The following C5orf22 variants were observed in gnomAD, a reference collection of about 807,000 sequenced individuals.
The protein encoded by C5orf22 is chromosome 5 open reading frame 22.
Under a neutral mutation model 48.7 loss-of-function variants are expected in C5orf22, and 36 were observed. The ratio of observed to expected loss-of-function variants is 0.74; its 90% CI spans 0.57 to 0.98. C5orf22 has a LOEUF of 0.98. C5orf22 is among the 50% of genes least tolerant of loss of function. C5orf22 has a pLI of 0.00. For missense variants in C5orf22, 486 were observed against 521.9 expected (o/e 0.93, Z 0.67); for synonymous variants, 141 against 180.8 (o/e 0.78, Z 1.76).
At chr5:31,545,220 G>A (rs1742783863) in intron 6 of C5orf22, among the ~76,000 whole-genome samples, 1 of 151,886 alleles carries the variant, frequency 6.6e-6, no homozygotes, top group Admixed American at 6.6e-5. Flanking sequence ...CACCACACCT[G>A]GCTAATTTTG....
intron 6 of C5orf22, among the ~76,000 whole-genome samples, chr5:31,541,951 A>G (rs1742495576): frequency 6.6e-6 from 1 of 152,124 alleles, no homozygotes; most frequent in Non-Finnish European, 1.5e-5. Flanking sequence ...GAGGAAACCA[A>G]GGTTAAGTAA....
At chr5:31,549,119 T>TGAGGC (rs1743083498) in intron 7 of C5orf22, among the ~76,000 whole-genome samples, 1 of 152,118 alleles carries the variant, frequency 6.6e-6, no homozygotes, top group Non-Finnish European at 1.5e-5. Flanking sequence ...CTCGGGAGGC[T>TGAGGC]GAGGCAAGAG....
intron 7 of C5orf22, chr5:31,548,627 T>A (rs1249253846): frequency 2.3e-6 from 1 of 442,848 alleles, no homozygotes; most frequent in African/African-American, 2.0e-5. Flanking sequence ...CCCTGCCTTC[T>A]TCTGAGCCCT....
chr5:31,539,856 A>C (rs892997621), intron 4 of C5orf22, among the ~76,000 whole-genome samples: 1 of 152,132 alleles, frequency 6.6e-6, no homozygotes, highest in Non-Finnish European at 1.5e-5. Flanking sequence ...CAGCGTAGGC[A>C]ACGTAGCAAG....
rs1230190233 is a variant in C5orf22 at position 31,534,418 on chromosome 5, G to GTA, written c.227+2_227+3dup. 6.2e-7 allele frequency: 1 copy of GTA among 1,600,526 alleles called. No individual in the cohort carries two copies. The highest frequency in any genetic ancestry group is 8.5e-7 in the Non-Finnish European group (1 of 1,176,128). On this transcript the variant is annotated splice_donor_variant, in intron 2 of 8. Coordinates refer to ENST00000325366, the MANE Select transcript of C5orf22 (RefSeq NM_018356.3). LOFTEE classifies it high-confidence loss of function. ...TGTTTGATAAGGAAACACTCTTTGG[G>GTA]TAATATGTGATTTTATTTATGGTCT...
At chr5:31,534,040 G>C (rs190174350) in intron 1 of C5orf22, among the ~76,000 whole-genome samples, 236 of 152,298 alleles carry the variant, frequency 1.5e-3, no homozygotes, top group African/African-American at 5.1e-3. Flanking sequence ...TGAGTTCAAG[G>C]GGGCAGCAGG....
chr5:31,536,343 A>ACACC (rs1206172315), intron 3 of C5orf22, among the ~76,000 whole-genome samples: 1 of 152,180 alleles, frequency 6.6e-6, no homozygotes, highest in African/African-American at 2.4e-5. Context: ...ACATGGTGAA[A>ACACC]CACCGTCTCT....
In C5orf22 at chr5:31,545,693, AAGT is replaced by A; in HGVS notation, c.1042_1044del (p.Val348del). The A allele has an allele frequency of 6.2e-7, 1 of 1,608,030 alleles. No homozygotes were observed. The highest frequency in any genetic ancestry group is 1.3e-5 in the African/African-American group (1 of 74,880). Reference sequence around the variant, plus strand: ...GTACAGAGTTTGAAAAAACGGATGGAAGTACCAGACTATGAAATGGTAAATATT... The same window carrying A: ...GTACAGAGTTTGAAAAAACGGATGGAACCAGACTATGAAATGGTAAATATT... On this transcript the variant is annotated inframe_deletion, in exon 7 of 9. Coordinates refer to ENST00000325366, the MANE Select transcript of C5orf22 (RefSeq NM_018356.3).
chr5:31,549,299 C>T (rs1743100696), intron 7 of C5orf22, among the ~76,000 whole-genome samples: 1 of 152,124 alleles, frequency 6.6e-6, no homozygotes. Flanking sequence ...AAGACCCACC[C>T]CCACAGTCAC....
chr5:31,541,709 G>T (rs1261476119), intron 6 of C5orf22, among the ~76,000 whole-genome samples: 1 of 152,142 alleles, frequency 6.6e-6, no homozygotes, highest in African/African-American at 2.4e-5. Flanking sequence ...GGAGTTTGAG[G>T]CTGTAGTGGG....
intron 6 of C5orf22, among the ~76,000 whole-genome samples, chr5:31,542,613 C>T (rs1023404178): frequency 1.3e-5 from 2 of 152,144 alleles, no homozygotes; most frequent in Non-Finnish European, 2.9e-5. Context: ...TTCATATCAC[C>T]TTGAAAGAAT....
chr5:31,536,164 A>G (rs1269930497), intron 3 of C5orf22, among the ~76,000 whole-genome samples: 1 of 152,224 alleles, frequency 6.6e-6, no homozygotes, highest in Non-Finnish European at 1.5e-5. Context: ...TCCTTAAGCC[A>G]TTGAAGTATC....
Position 31,535,775 on chromosome 5 carries a change from G to T in C5orf22, c.259G>T (p.Ala87Ser), listed in dbSNP as rs1003179077. The T allele has an allele frequency of 2.5e-6, 4 of 1,610,472 alleles. No homozygotes were observed. The highest frequency in any genetic ancestry group is 1.7e-5 in the Admixed American group (1 of 59,200). Reference sequence around the variant, plus strand: ...AAGTATTGAAAATTGGATTATGCCTGCAGTTTATGCTGGCCATTTTTCACA... The same window carrying T: ...AAGTATTGAAAATTGGATTATGCCTTCAGTTTATGCTGGCCATTTTTCACA... The part of the protein sequence containing the change: ...ELSIENWIMP[A>S]VYAGHFSHVI... Residue 87 changes from alanine to serine, a missense_variant, in exon 3 of 9, where the codon GCA becomes TCA. Around this residue, in one of 3 missense-constraint regions of C5orf22, gnomAD observed 408 missense variants for 444.0 expected, o/e 0.92. Coordinates refer to ENST00000325366, the MANE Select transcript of C5orf22 (RefSeq NM_018356.3).
At chr5:31,532,676 C>T (rs530845881) in intron 1 of C5orf22, among the ~76,000 whole-genome samples, 32 of 152,178 alleles carry the variant, frequency 2.1e-4, no homozygotes, top group Non-Finnish European at 3.7e-4. Context: ...TCCTACGAGT[C>T]GGGGCAACTT....
intron 5 of C5orf22, 94 bp downstream of exon 5, chr5:31,541,105 AGTGTGTGTGTGTGTGTGTGTGTGTGTGT>A (rs35650579): frequency 4.4e-6 from 3 of 677,106 alleles, no homozygotes; most frequent in Non-Finnish European, 7.4e-6. Context: ...GACTGCTCAA[AGTGTGTGTGTGTGTGTGTGTGTGTGTGT>A]GTGTGTGTGT....
At chr5:31,548,061 GGAGGCCAAGGCTGGCGGATCATTT>G (rs1011818227) in intron 7 of C5orf22, among the ~76,000 whole-genome samples, 2 of 152,120 alleles carry the variant, frequency 1.3e-5, no homozygotes. Flanking sequence ...CAGCACTTTG[GGAGGCCAAGGCTGGCGGATCATTT>G]GAGGCCAGGA....
chr5:31,534,374 A>C lies in C5orf22; in HGVS notation c.184A>C (p.Asn62His). The C allele has an allele frequency of 6.2e-7, 1 of 1,613,766 alleles. No homozygotes were observed. Among genetic ancestry groups the C allele is most frequent in the Non-Finnish European group, 8.5e-7 (1 of 1,179,860 alleles). The change falls in exon 2 of 9, where the codon AAT becomes CAT. Residue 62 changes from asparagine (N) to histidine (H), a missense_variant. By Grantham distance (68) the Asn-to-His change is moderately conservative (BLOSUM62 1). Around this residue, in one of 3 missense-constraint regions of C5orf22, gnomAD observed 408 missense variants for 444.0 expected, o/e 0.92. Coordinates refer to ENST00000325366, the MANE Select transcript of C5orf22 (RefSeq NM_018356.3). ...ACATCCAGACCTCCTTATTCCTGTG[A>C]ATATGCCAGCAGACACCGTGTTTGA... ...DSHPDLLIPV[N>H]MPADTVFDKE... is the part of the protein sequence containing the mutation.
chr5:31,533,817 G>A (rs1211393481), intron 1 of C5orf22, among the ~76,000 whole-genome samples: 1 of 152,100 alleles, frequency 6.6e-6, no homozygotes, highest in East Asian at 1.9e-4. Context: ...TGGGAGGATC[G>A]TGTGAACCCA....
chr5:31,532,496 C>A, intron 1 of C5orf22, 23 bp downstream of exon 1: 2 of 1,601,780 alleles, frequency 1.2e-6, no homozygotes, highest in Non-Finnish European at 1.7e-6. Context: ...CAACAGGGCT[C>A]TGGGGCAGAA....
Sources: allele counts gnomAD v4.1 joint callset (sites outside exome capture counted in the v4.1 genomes callset), GRCh38; gene constraint gnomAD v4.1.1; regional missense constraint gnomAD v4.1.1; transcripts MANE v1.5; gene names NCBI Gene and HGNC (gene_info 2026-07-23, HGNC 2026-07-21).